The following NALF1 variants were observed in gnomAD, a reference collection of about 807,000 sequenced individuals.
NALF1 encodes NALCN channel auxiliary factor 1.
Under a neutral mutation model 48.4 loss-of-function variants are expected in NALF1, and 3 were observed. The observed-to-expected ratio is 0.06, with a 90% confidence interval of 0.03 to 0.16. NALF1 has a LOEUF of 0.16. NALF1 is among the 10% of genes least tolerant of loss of function. The pLI, the probability that NALF1 is intolerant of heterozygous loss-of-function variation, is 1.00. For missense variants in NALF1, 526 were observed against 571.5 expected (o/e 0.92, Z 0.81); for synonymous variants, 262 against 245.7 (o/e 1.07, Z -0.62).
chr13:107,692,064 A>C (rs1881580009), intron 1 of NALF1, among the ~76,000 whole-genome samples: 1 of 152,204 alleles, frequency 6.6e-6, no homozygotes, highest in African/African-American at 2.4e-5. Context: ...CGGACAAATG[A>C]GAATACGACT....
intron 1 of NALF1, among the ~76,000 whole-genome samples, chr13:107,618,380 G>T (rs2181791): frequency 0.33 from 50,366 of 152,008 alleles, 9,269 homozygotes; most frequent in East Asian, 0.51. Flanking sequence ...GGGAGATGGG[G>T]CTAGAATATT....
intron 2 of NALF1, among the ~76,000 whole-genome samples, chr13:107,186,169 T>C (rs1264708232): frequency 6.6e-6 from 1 of 152,134 alleles, no homozygotes; most frequent in Non-Finnish European, 1.5e-5. Context: ...ACAAAGGGCT[T>C]GGTACTAACT....
intron 1 of NALF1, among the ~76,000 whole-genome samples, chr13:107,627,555 G>A (rs1879710853): frequency 6.6e-6 from 1 of 152,106 alleles, no homozygotes; most frequent in Non-Finnish European, 1.5e-5. Flanking sequence ...CAGCATGGGT[G>A]TCAGCAACTG....
At chr13:107,832,104 C>T (rs1329055822) in intron 1 of NALF1, among the ~76,000 whole-genome samples, 4 of 152,078 alleles carry the variant, frequency 2.6e-5, no homozygotes, top group Non-Finnish European at 5.9e-5. Flanking sequence ...GAAACCAAAA[C>T]TGTGACATGA....
chr13:107,335,810 A>G (rs1555333055), intron 1 of NALF1, among the ~76,000 whole-genome samples: 3 of 152,230 alleles, frequency 2.0e-5, no homozygotes, highest in Non-Finnish European at 4.4e-5. Flanking sequence ...TCAACTCTAG[A>G]ATATCCTTTA....
At chr13:107,781,874 CTTAG>C (rs1274676797) in intron 1 of NALF1, among the ~76,000 whole-genome samples, 1 of 152,128 alleles carries the variant, frequency 6.6e-6, no homozygotes, top group Non-Finnish European at 1.5e-5. Flanking sequence ...CACTGCCTAG[CTTAG>C]TATAGTCTGT....
In NALF1 at chr13:107,675,184, G is replaced by A. The variant is rs181370023; in HGVS notation, c.915+190498C>T. ...TTCCCAAAGGAAACTGACATTCTGT[G>A]TACCATTTCCATAGCAACTTGCTCA... On this transcript the variant is annotated intron_variant, in intron 1 of 2. Coordinates refer to ENST00000375915, the MANE Select transcript of NALF1 (RefSeq NM_001080396.3). Among the ~76,000 whole-genome samples the A allele has an allele frequency of 2.0e-5, 3 of 152,256 alleles. No individual in the cohort carries two copies. In the East Asian group the frequency reaches 5.8e-4, roughly 29 times the overall value.
At chr13:107,343,981 T>A (rs753710721) in intron 1 of NALF1, among the ~76,000 whole-genome samples, 2 of 150,572 alleles carry the variant, frequency 1.3e-5, no homozygotes, top group Non-Finnish European at 3.0e-5. Flanking sequence ...AAGGGAAGAC[T>A]CAAGTAACTA....
intron 1 of NALF1, among the ~76,000 whole-genome samples, chr13:107,438,827 C>CAAA (rs61686895): frequency 0.094 from 1,672 of 17,872 alleles, 402 homozygotes; most frequent in African/African-American, 0.26. Flanking sequence ...GACTCCATCT[C>CAAA]AAAAAAAAAA....
chr13:107,662,632 G>C (rs568245677), intron 1 of NALF1, among the ~76,000 whole-genome samples: 10 of 152,144 alleles, frequency 6.6e-5, no homozygotes, highest in Non-Finnish European at 1.5e-4. Flanking sequence ...AAAATAACTT[G>C]AAAACAGAAT....
chr13:107,185,393 TC>T (rs1249588638), intron 2 of NALF1, among the ~76,000 whole-genome samples: 2 of 61,562 alleles, frequency 3.2e-5, no homozygotes, highest in African/African-American at 1.2e-4. Context: ...CCCCCGCCCC[TC>T]CCTGCATGCC....
chr13:107,276,024 G>A (rs2138868298), intron 1 of NALF1, among the ~76,000 whole-genome samples: 1 of 152,214 alleles, frequency 6.6e-6, no homozygotes, highest in Non-Finnish European at 1.5e-5. Context: ...CCATAGGGCT[G>A]ATCCCAACTC....
chr13:107,300,233 T>G (rs2138892018), intron 1 of NALF1, among the ~76,000 whole-genome samples: 1 of 152,360 alleles, frequency 6.6e-6, no homozygotes, highest in Non-Finnish European at 1.5e-5. Context: ...ATATCCAAAG[T>G]TCCTGTTCTG....
At chr13:107,628,955 A>G (rs1336509341) in intron 1 of NALF1, among the ~76,000 whole-genome samples, 2 of 152,086 alleles carry the variant, frequency 1.3e-5, no homozygotes, top group Non-Finnish European at 2.9e-5. Context: ...GCCTTTTTGT[A>G]TGTTATTATA....
chr13:107,327,962 C>T (rs1370533627), intron 1 of NALF1, among the ~76,000 whole-genome samples: 1 of 151,858 alleles, frequency 6.6e-6, no homozygotes, highest in Non-Finnish European at 1.5e-5. Flanking sequence ...ACTGTGTCAC[C>T]CAGGCTGGAG....
chr13:107,582,433 A>G (rs1365716074), intron 1 of NALF1, among the ~76,000 whole-genome samples: 1 of 152,226 alleles, frequency 6.6e-6, no homozygotes, highest in Non-Finnish European at 1.5e-5. Flanking sequence ...TAACACTTGC[A>G]TCTAGTCCCA....
chr13:107,209,678 G>A (rs559483958), intron 2 of NALF1, among the ~76,000 whole-genome samples: 2 of 152,240 alleles, frequency 1.3e-5, no homozygotes, highest in South Asian at 2.1e-4. Context: ...TGTTTTAGAG[G>A]AGTTTGGCAA....
In NALF1 at chr13:107,395,107, G is replaced by A. The variant is rs193040982; in HGVS notation, c.916-184352C>T. On this transcript the variant is annotated intron_variant, in intron 1 of 2. Transcript: ENST00000375915. ...TTTTGAGGTGCTACATGAGAAATGA[G>A]AATGTTAATGTTCTCAGAGAAGTCC... Among the ~76,000 whole-genome samples the A allele has an allele frequency of 1.7e-3, 252 of 152,262 alleles. 1 individual carries two copies. Among genetic ancestry groups the A allele is most frequent in the Middle Eastern group, 0.01 (3 of 294 alleles).
chr13:107,732,662 G>T (rs1053500192), intron 1 of NALF1, among the ~76,000 whole-genome samples: 1 of 152,056 alleles, frequency 6.6e-6, no homozygotes, highest in Non-Finnish European at 1.5e-5. Context: ...GCTTCTCTTA[G>T]GTATTATACA....
Sources: gnomAD v4.1 joint callset for allele counts (sites outside exome capture counted in the v4.1 genomes callset) on GRCh38, gnomAD v4.1.1 for gene constraint, MANE v1.5 for transcripts, NCBI Gene and HGNC (gene_info 2026-07-23, HGNC 2026-07-21) for gene names.